The following SCGN variants were observed in gnomAD, a reference collection of about 807,000 sequenced individuals.
The protein encoded by SCGN is secretagogin, EF-hand calcium binding protein, also known as secretagogin.
Under a neutral mutation model 39.7 loss-of-function variants are expected in SCGN, and 30 were observed. The ratio of observed to expected loss-of-function variants is 0.76; its 90% CI spans 0.57 to 1.03. SCGN has a LOEUF of 1.03. Ranked by LOEUF, SCGN falls within the 50% of genes least tolerant of loss-of-function variation. The pLI is 0.00. For synonymous variants in SCGN, 106 were observed against 114.1 expected (o/e 0.93, Z 0.45); for missense variants, 353 against 349.4 (o/e 1.01, Z -0.08).
intron 3 of SCGN, among the ~76,000 whole-genome samples, chr6:25,664,048 G>T (rs1004850035): frequency 2.2e-4 from 34 of 152,142 alleles, no homozygotes; most frequent in African/African-American, 8.0e-4. Context: ...TCTAGGTTTG[G>T]CAATGAACAC....
Position 25,652,427 on chromosome 6 carries a change from T to G in SCGN, c.24T>G (p.Thr8=). 1 of 1,614,182 alleles carries G rather than the reference T, an allele frequency of 6.2e-7. No homozygotes were observed. Among genetic ancestry groups the G allele is most frequent in the African/African-American group, 1.3e-5 (1 of 75,058 alleles). Residue 8 remains threonine (T), a synonymous_variant, in exon 1 of 11, where the codon ACT becomes ACG. Transcript: ENST00000377961. MDSSREP[T]LGRLDAAGFW... Reference sequence around the variant, plus strand: ...CCATGGACAGCTCCCGGGAACCGACTCTGGGGCGCTTGGACGCCGCTGGCT... The same window carrying G: ...CCATGGACAGCTCCCGGGAACCGACGCTGGGGCGCTTGGACGCCGCTGGCT...
At chr6:25,700,388 A>G (rs1342945621) in intron 10 of SCGN, among the ~76,000 whole-genome samples, 6 of 152,102 alleles carry the variant, frequency 3.9e-5, no homozygotes, top group Admixed American at 6.6e-5. Flanking sequence ...TGAGAATGGT[A>G]TGAAATTTTG....
chr6:25,688,138 A>T (rs928080854), intron 7 of SCGN, among the ~76,000 whole-genome samples: 4 of 152,118 alleles, frequency 2.6e-5, no homozygotes, highest in Admixed American at 6.5e-5. Flanking sequence ...TGTGTTTTAT[A>T]TTTGGTTATA....
At chr6:25,672,043 TC>T (rs1382605259) in intron 6 of SCGN, among the ~76,000 whole-genome samples, 1 of 152,134 alleles carries the variant, frequency 6.6e-6, no homozygotes, top group Non-Finnish European at 1.5e-5. Flanking sequence ...TAGCTCAGCT[TC>T]CCCCCTCACC....
chr6:25,665,228 G>A (rs184380909), intron 4 of SCGN, among the ~76,000 whole-genome samples, 196 bp downstream of exon 4: 4 of 152,192 alleles, frequency 2.6e-5, no homozygotes, highest in Non-Finnish European at 5.9e-5. Context: ...ATTGTCCTGG[G>A]GTGCTCCTGA....
At chr6:25,697,288 CAGTGTGGCCAATAAATAGCAA>C (rs1759851231) in intron 10 of SCGN, among the ~76,000 whole-genome samples, 4 of 152,154 alleles carry the variant, frequency 2.6e-5, no homozygotes, top group African/African-American at 9.7e-5. Flanking sequence ...TTTCAAACAC[CAGTGTGGCCAATAAATAGCAA>C]ACTGGAGACA....
intron 3 of SCGN, among the ~76,000 whole-genome samples, chr6:25,662,764 C>G (rs1760359131): frequency 6.6e-6 from 1 of 152,072 alleles, no homozygotes; most frequent in African/African-American, 2.4e-5. Flanking sequence ...GTATATGTAA[C>G]CAAAAATTCT....
Position 25,652,403 on chromosome 6 carries a change from C to T in SCGN, c.-1C>T, listed in dbSNP as rs761029427. The stretch of plus-strand genomic sequence containing the variant: ...GGTGCCTGGTCTTCGTCGTCAACAC[C>T]ATGGACAGCTCCCGGGAACCGACTC... On this transcript the variant is annotated 5_prime_UTR_variant, in exon 1 of 11. Transcript: ENST00000377961. 12 of 1,614,022 alleles carry T rather than the reference C, an allele frequency of 7.4e-6. No homozygotes were observed. In the South Asian group the frequency reaches 9.9e-5, roughly 13 times the overall value.
intron 10 of SCGN, among the ~76,000 whole-genome samples, chr6:25,699,937 T>G (rs1292254154): frequency 6.6e-6 from 1 of 152,074 alleles, no homozygotes; most frequent in African/African-American, 2.4e-5. Flanking sequence ...AAGGGCCACT[T>G]GGATCTATTT....
At chr6:25,683,216 A>G (rs534375279) in intron 7 of SCGN, among the ~76,000 whole-genome samples, 89 of 152,306 alleles carry the variant, frequency 5.8e-4, no homozygotes, top group Admixed American at 1.1e-3. Context: ...TGCTCCCTGG[A>G]TCCCACCTGG....
intron 6 of SCGN, among the ~76,000 whole-genome samples, chr6:25,676,957 C>A (rs1038272802): frequency 6.6e-6 from 1 of 152,188 alleles, no homozygotes; most frequent in Non-Finnish European, 1.5e-5. Context: ...AAAGCTTAAA[C>A]TCCTATTTAT....
chr6:25,693,474 A>T (rs1759800244), intron 10 of SCGN, among the ~76,000 whole-genome samples: 2 of 151,196 alleles, frequency 1.3e-5, no homozygotes, highest in African/African-American at 4.8e-5. Context: ...AAAAAAAAAA[A>T]AAGGAACAAA....
At chr6:25,668,129 C>T (rs1470129199) in intron 4 of SCGN, among the ~76,000 whole-genome samples, 2 of 151,836 alleles carry the variant, frequency 1.3e-5, no homozygotes, top group African/African-American at 4.8e-5. Context: ...GAGCTCAGGA[C>T]GCTGATTGTG....
chr6:25,686,545 T>C (rs1759706709), intron 7 of SCGN, among the ~76,000 whole-genome samples: 2 of 152,212 alleles, frequency 1.3e-5, no homozygotes, highest in African/African-American at 4.8e-5. Flanking sequence ...AATTGGGCGA[T>C]TTGTCCTTTT....
At chr6:25,653,265 C>T (rs1760165798) in intron 1 of SCGN, 117 bp from the exon 2 acceptor site, 1 of 723,122 alleles carries the variant, frequency 1.4e-6, no homozygotes, top group South Asian at 1.9e-5. Context: ...ATTGGAATAA[C>T]AAAAAATAGT....
intron 6 of SCGN, among the ~76,000 whole-genome samples, chr6:25,679,785 G>A (rs1019654131): frequency 6.6e-6 from 1 of 152,300 alleles, no homozygotes; most frequent in East Asian, 1.9e-4. Flanking sequence ...TCCACGTAGA[G>A]TCTTTTCTTG....
intron 2 of SCGN, among the ~76,000 whole-genome samples, chr6:25,654,162 G>T (rs1760185131): frequency 6.6e-6 from 1 of 152,214 alleles, no homozygotes; most frequent in African/African-American, 2.4e-5. Flanking sequence ...AGTAGAAGGA[G>T]ACGCTCTAGG....
In SCGN at chr6:25,691,068, G is replaced by A; in HGVS notation, c.646G>A (p.Ala216Thr). The A allele has an allele frequency of 1.9e-6, 3 of 1,613,700 alleles. No homozygotes were observed. The highest frequency in any genetic ancestry group is 2.2e-5 in the East Asian group (1 of 44,870). ...TTTTCTTTTTCAGAGTAAAACAGGA[G>A]CCCTGGAAGGCCCAGAAGTGGATGG... ...FAYYDVSKTG[A>T]LEGPEVDGFV... Residue 216 changes from alanine to threonine, a missense_variant, in exon 10 of 11, where the codon GCC becomes ACC. Ala to Thr is a moderately conservative substitution (Grantham distance 58). Transcript: ENST00000377961.
intron 4 of SCGN, among the ~76,000 whole-genome samples, chr6:25,669,027 C>T (rs1212701219): frequency 6.6e-6 from 1 of 150,580 alleles, no homozygotes; most frequent in Non-Finnish European, 1.5e-5. Flanking sequence ...AGGAGAATGG[C>T]GTGAACCCGG....
Sources: gnomAD v4.1 joint callset for allele counts (sites outside exome capture counted in the v4.1 genomes callset) on GRCh38, gnomAD v4.1.1 for gene constraint, MANE v1.5 for transcripts, NCBI Gene and HGNC (gene_info 2026-07-23, HGNC 2026-07-21) for gene names.